The following FEZ2 variants were observed in gnomAD, a reference collection of about 807,000 sequenced individuals.
FEZ2 encodes fasciculation and elongation protein zeta-2.
Under a neutral mutation model 40.4 loss-of-function variants are expected in FEZ2, and 51 were observed. The observed-to-expected ratio is 1.26, with a 90% CI of 1.01 to 1.59. The LOEUF (loss-of-function observed/expected upper bound fraction) is 1.59. Among genes scored for constraint, FEZ2 ranks in the 40% most tolerant of loss-of-function variants. The pLI is 0.00. For missense variants in FEZ2, 640 were observed against 438.3 expected (o/e 1.46, Z -4.11); for synonymous variants, 242 against 172.0 (o/e 1.41, Z -3.18).
intron 5 of FEZ2, among the ~76,000 whole-genome samples, chr2:36,560,030 CCTT>C (rs1668052609): frequency 6.6e-6 from 1 of 152,208 alleles, no homozygotes; most frequent in Non-Finnish European, 1.5e-5. Flanking sequence ...ATTTTGTACA[CCTT>C]CTTAATCTGC....
At position 36,583,380 on chromosome 2, in the gene FEZ2, A is replaced by G. The variant is rs762841524; in HGVS notation, c.465T>C (p.Asn155=). The change falls in exon 3 of 8, where the codon AAT becomes AAC. Residue 155 remains asparagine, a synonymous_variant. Coordinates refer to ENST00000405912, the MANE Select transcript of FEZ2 (RefSeq NM_005102.3). ...GGTCTGCCGTGAAGAGGGGTTCATC[A>G]TTAACACAGGAGACGATGATTGAGT... is the stretch of plus-strand genomic sequence containing the variant. The part of the protein sequence containing the change: ...DMHSIIVSCV[N]DEPLFTADQV... The G allele has an allele frequency of 6.3e-6, 10 of 1,597,278 alleles. No homozygotes were observed. The South Asian group carries it at 9.9e-5, about 16-fold the overall frequency.
chr2:36,595,359 G>C (rs1304268902), intron 1 of FEZ2, among the ~76,000 whole-genome samples: 3 of 151,864 alleles, frequency 2.0e-5, no homozygotes, highest in African/African-American at 7.3e-5. Context: ...GGGGAGAGGG[G>C]AAACAGTGAC....
chr2:36,587,204 A>C (rs920682843), intron 2 of FEZ2, among the ~76,000 whole-genome samples: 4 of 152,216 alleles, frequency 2.6e-5, no homozygotes, highest in Non-Finnish European at 4.4e-5. Flanking sequence ...TATTATAATA[A>C]ATTTCCATGA....
At chr2:36,556,108 ACT>A (rs1436857116) in intron 6 of FEZ2, 1 of 460,264 alleles carries the variant, frequency 2.2e-6, no homozygotes, top group Non-Finnish European at 4.4e-6. Flanking sequence ...ACCTCAATGA[ACT>A]CTGTGCAGCA....
intron 1 of FEZ2, among the ~76,000 whole-genome samples, chr2:36,593,763 A>C (rs572855366): frequency 4.6e-5 from 7 of 151,862 alleles, no homozygotes; most frequent in Middle Eastern, 3.5e-3. Context: ...CATTTTCCCC[A>C]TGGTCGTGGG....
At chr2:36,579,792 T>C (rs1668680302) in intron 4 of FEZ2, among the ~76,000 whole-genome samples, 1 of 152,230 alleles carries the variant, frequency 6.6e-6, no homozygotes, top group Non-Finnish European at 1.5e-5. Context: ...CAATATTCCC[T>C]GAAACCCCAT....
chr2:36,570,053 TAAATTA>T (rs1668363988), intron 5 of FEZ2, among the ~76,000 whole-genome samples: 1 of 152,054 alleles, frequency 6.6e-6, no homozygotes, highest in Non-Finnish European at 1.5e-5. Context: ...TAATTTTTAA[TAAATTA>T]AAATAATCAA....
rs184301939 is a variant in FEZ2, at chr2:36,581,200, A to G, written c.634+90T>C. The G allele has an allele frequency of 5.4e-5, 64 of 1,181,712 alleles. 2 individuals are homozygous for G. The Admixed American group carries it at 1.1e-3, about 21-fold the overall frequency. The allele number at this position is 1,181,712 out of a possible 1,614,324, so 73.2% of individuals were successfully genotyped here. ...GGACACAAACACAAACAGAAGGAGG[A>G]TGAAATCAAAGCTTTCTGGAGATGA... On this transcript the variant is annotated intron_variant, in intron 4 of 7. Coordinates refer to ENST00000405912, the MANE Select transcript of FEZ2 (RefSeq NM_005102.3).
chr2:36,591,173 C>T (rs1222367797), intron 1 of FEZ2, 162 bp from the exon 2 acceptor site: 6 of 605,816 alleles, frequency 9.9e-6, no homozygotes, highest in Non-Finnish European at 1.5e-5. Flanking sequence ...GTCTCCTAAA[C>T]AAAAACGAGG....
intron 5 of FEZ2, among the ~76,000 whole-genome samples, chr2:36,564,551 G>A (rs144508984): frequency 1.6e-4 from 25 of 152,256 alleles, no homozygotes; most frequent in South Asian, 8.3e-4. Context: ...TGAAGCGAAT[G>A]CTGCAGATAA....
At chr2:36,578,048 T>C (rs753769685) in intron 5 of FEZ2, among the ~76,000 whole-genome samples, 5 of 152,230 alleles carry the variant, frequency 3.3e-5, no homozygotes, top group African/African-American at 4.8e-5. Flanking sequence ...CAGTCAGAAA[T>C]AGTCTAGTCT....
At chr2:36,576,343 C>A (rs1248153742) in intron 5 of FEZ2, among the ~76,000 whole-genome samples, 1 of 151,900 alleles carries the variant, frequency 6.6e-6, no homozygotes, top group African/African-American at 2.4e-5. Flanking sequence ...AATCTTGGCT[C>A]GCTGCAACCT....
At chr2:36,576,327 T>G (rs945396168) in intron 5 of FEZ2, among the ~76,000 whole-genome samples, 2 of 151,978 alleles carry the variant, frequency 1.3e-5, no homozygotes, top group Non-Finnish European at 2.9e-5. Context: ...TGGAGTACAG[T>G]GGAGCAATCT....
intron 5 of FEZ2, among the ~76,000 whole-genome samples, chr2:36,577,996 A>T (rs1027967202): frequency 6.6e-6 from 1 of 152,260 alleles, no homozygotes; most frequent in Non-Finnish European, 1.5e-5. Flanking sequence ...AAAAAATCTT[A>T]TCAAAGGGTC....
intron 1 of FEZ2, among the ~76,000 whole-genome samples, chr2:36,596,034 T>G (rs531068170): frequency 4.3e-4 from 65 of 152,374 alleles, no homozygotes; most frequent in African/African-American, 1.5e-3. Flanking sequence ...TGTCCTGGGT[T>G]TAGTGATTCA....
intron 2 of FEZ2, among the ~76,000 whole-genome samples, chr2:36,586,225 C>A (rs1186000021): frequency 3.3e-5 from 5 of 152,182 alleles, no homozygotes; most frequent in Admixed American, 6.5e-5. Context: ...TCGATCCTTA[C>A]ACTTCGAACA....
intron 1 of FEZ2, among the ~76,000 whole-genome samples, chr2:36,594,845 G>C (rs748924678): frequency 6.6e-6 from 1 of 152,220 alleles, no homozygotes; most frequent in Non-Finnish European, 1.5e-5. Context: ...ATTTCACTTA[G>C]AAGTGCCTGT....
intron 7 of FEZ2, 121 bp downstream of exon 7, chr2:36,555,562 A>G: frequency 1.9e-6 from 1 of 528,310 alleles, no homozygotes; most frequent in African/African-American, 2.0e-5. Flanking sequence ...CTCACCCTGC[A>G]TAATAAGATT....
chr2:36,560,207 T>C (rs1668056322), intron 5 of FEZ2, among the ~76,000 whole-genome samples: 1 of 152,242 alleles, frequency 6.6e-6, no homozygotes, highest in South Asian at 2.1e-4. Context: ...AGATACTTGA[T>C]TATATATTCA....
Sources: allele counts gnomAD v4.1 joint callset (sites outside exome capture counted in the v4.1 genomes callset), GRCh38; gene constraint gnomAD v4.1.1; transcripts MANE v1.5; gene names NCBI Gene and HGNC (gene_info 2026-07-23, HGNC 2026-07-21).